Variants in BEAN1 observed in about 807,000 individuals in gnomAD.
BEAN1 encodes brain expressed associated with NEDD4 1.
Under a neutral mutation model 17.7 loss-of-function variants are expected in BEAN1, and 17 were observed. That is an observed-to-expected ratio of 0.96 (90% CI 0.66 to 1.44). The LOEUF is 1.44. BEAN1 is among the 40% of genes most tolerant of loss of function. The probability of loss-of-function intolerance (pLI) is 0.00; values close to 1 mark genes in which losing one functional copy is unlikely to be tolerated. For synonymous variants in BEAN1, 142 were observed against 151.8 expected, an observed-to-expected ratio of 0.94 and a Z score of 0.47; for missense variants, 359 against 374.1, an observed-to-expected ratio of 0.96 and a Z score of 0.33.
At chr16:66,491,965 C>A (rs1304612512) in intron 4 of BEAN1, among the ~76,000 whole-genome samples, 1 of 152,168 alleles carries the variant, frequency 6.6e-6, no homozygotes, top group Non-Finnish European at 1.5e-5. Flanking sequence ...AAAGATGAAC[C>A]AAGGTGCTCA....
chr16:66,470,836 G>A (rs762768455), intron 3 of BEAN1, among the ~76,000 whole-genome samples: 35 of 152,210 alleles, frequency 2.3e-4, no homozygotes, highest in Admixed American at 2.0e-3. Flanking sequence ...ATTCTCAGAC[G>A]ATTTTCAATG....
intron 4 of BEAN1, among the ~76,000 whole-genome samples, chr16:66,478,314 C>T (rs1296664053): frequency 6.6e-6 from 1 of 152,160 alleles, no homozygotes; most frequent in East Asian, 1.9e-4. Context: ...TGTAATAATA[C>T]CTGCCCCAGC....
At chr16:66,447,175 T>A (rs991026192) in intron 2 of BEAN1, among the ~76,000 whole-genome samples, 1 of 151,894 alleles carries the variant, frequency 6.6e-6, no homozygotes, top group African/African-American at 2.4e-5. Flanking sequence ...GAGGCTGAGG[T>A]AGGAGGATGA....
intron 2 of BEAN1, among the ~76,000 whole-genome samples, chr16:66,459,971 A>G (rs1341256178): frequency 6.6e-6 from 1 of 152,184 alleles, no homozygotes; most frequent in East Asian, 1.9e-4. Flanking sequence ...GGATGGGCCA[A>G]TGGGTGACTG....
chr16:66,480,927 G>T lies in BEAN1; in HGVS notation c.*2G>T, dbSNP rs1399938648. On this transcript the variant is annotated 3_prime_UTR_variant, in exon 5 of 5. Transcript: ENST00000536005. ...TCTGGCCCAGAGAGGATTGTGTGAG[G>T]GACCCAGCCAGCCGGGTCCTGCTGG... The T allele has an allele frequency of 1.4e-6, 2 of 1,442,802 alleles. No homozygotes were observed. The highest frequency in any genetic ancestry group is 1.5e-5 in the South Asian group (1 of 67,940). The allele number at this position is 1,442,802 out of a possible 1,614,324, so 89.4% of individuals were successfully genotyped here.
At chr16:66,445,475 C>A (rs1487523322) in intron 2 of BEAN1, among the ~76,000 whole-genome samples, 1 of 49,326 alleles carries the variant, frequency 2.0e-5, no homozygotes, top group South Asian at 9.3e-4. Flanking sequence ...GACTCCGTCT[C>A]AAAAAAAAAA....
intron 2 of BEAN1, 150 bp from the exon 3 acceptor site, chr16:66,469,452 C>T (rs1342522330): frequency 1.5e-5 from 15 of 977,632 alleles, no homozygotes; most frequent in Non-Finnish European, 2.1e-5. Context: ...CCTTCTCCCC[C>T]AGGAGCAGCC....
intron 2 of BEAN1, among the ~76,000 whole-genome samples, chr16:66,468,848 T>A (rs140426987): frequency 6.6e-6 from 1 of 152,070 alleles, no homozygotes; most frequent in Non-Finnish European, 1.5e-5. Flanking sequence ...GAGGACTAAG[T>A]CACCCGTCCC....
chr16:66,490,405 A>AACATAAAAT, intron 4 of BEAN1, among the ~76,000 whole-genome samples: 1 of 106,528 alleles, frequency 9.4e-6, no homozygotes, highest in Non-Finnish European at 1.8e-5. Flanking sequence ...TCAATAAAAT[A>AACATAAAAT]AAATAAAATA....
chr16:66,489,080 G>A (rs1294913903), intron 4 of BEAN1, among the ~76,000 whole-genome samples: 2 of 151,952 alleles, frequency 1.3e-5, no homozygotes, highest in Non-Finnish European at 2.9e-5. Flanking sequence ...TCTGAGACAG[G>A]AGAATCACTT....
Position 66,480,887 on chromosome 16 carries a change from A to C in BEAN1, c.742A>C (p.Thr248Pro). 4 of 1,460,190 alleles carry C rather than the reference A, an allele frequency of 2.7e-6. No homozygotes were observed. Among genetic ancestry groups the C allele is most frequent in the East Asian group, 2.5e-5 (1 of 39,540 alleles). 90.5% of individuals were successfully genotyped at this position (1,460,190 alleles called of 1,614,324 possible). A position where few individuals can be genotyped will look rare whatever the true frequency, so the allele number is the denominator to read the frequency against. The change falls in exon 5 of 5, where the codon ACC (threonine) becomes CCC (proline). Residue 248 changes from threonine (T) to proline (P), a missense_variant. Transcript: ENST00000536005. Reference sequence around the variant, plus strand: ...GGGCTCCCAGGGCTCACCCACCCCAACCCGGGCCCCAGCCTCTGGCCCAGA... The same window carrying C: ...GGGCTCCCAGGGCTCACCCACCCCACCCCGGGCCCCAGCCTCTGGCCCAGA... ...PRGSQGSPTP[T>P]RAPASGPERI...
chr16:66,439,828 C>A (rs890889483), intron 2 of BEAN1, among the ~76,000 whole-genome samples: 4 of 152,142 alleles, frequency 2.6e-5, no homozygotes, highest in South Asian at 2.1e-4. Context: ...TGACTTTGAC[C>A]CAGACATATC....
intron 2 of BEAN1, among the ~76,000 whole-genome samples, chr16:66,445,621 G>A (rs1305050914): frequency 6.6e-6 from 1 of 151,978 alleles, no homozygotes; most frequent in Non-Finnish European, 1.5e-5. Context: ...TAGATGAAGA[G>A]GGTCCAGGCA....
intron 1 of BEAN1, among the ~76,000 whole-genome samples, chr16:66,429,171 A>G (rs563344204): frequency 1.4e-4 from 22 of 152,202 alleles, no homozygotes; most frequent in Admixed American, 5.2e-4. Flanking sequence ...CGGTTCAGAC[A>G]GGCAGCAAGA....
At chr16:66,464,192 T>C (rs920054541) in intron 2 of BEAN1, among the ~76,000 whole-genome samples, 1 of 152,208 alleles carries the variant, frequency 6.6e-6, no homozygotes, top group African/African-American at 2.4e-5. Context: ...TTGATCAGCA[T>C]TGTGTTGAAT....
chr16:66,472,512 T>C (rs997130662), intron 3 of BEAN1, among the ~76,000 whole-genome samples: 1 of 152,220 alleles, frequency 6.6e-6, no homozygotes, highest in Admixed American at 6.5e-5. Context: ...AAGACCAGCC[T>C]GGCCAACATG....
At chr16:66,461,537 G>A (rs1053796963) in intron 2 of BEAN1, among the ~76,000 whole-genome samples, 3 of 150,064 alleles carry the variant, frequency 2.0e-5, no homozygotes, top group Admixed American at 6.7e-5. Context: ...CCAGAGGCAG[G>A]TTCTGCGTGC....
At position 66,453,522 on chromosome 16, in the gene BEAN1, C is replaced by T. The variant is rs571746106; in HGVS notation, c.25+15821C>T. Among the ~76,000 whole-genome samples, 7 of 152,090 alleles carry T rather than the reference C, an allele frequency of 4.6e-5. No individual in the cohort carries two copies. In the East Asian group the frequency reaches 1.4e-3, roughly 30 times the overall value. ...TATAGGCATGCACCACCATACCCGG[C>T]TAACTTTTTATTATTTTTTTGTATA... On this transcript the variant is annotated intron_variant, in intron 2 of 4. Coordinates refer to ENST00000536005, the MANE Select transcript of BEAN1 (RefSeq NM_001178020.3).
At chr16:66,482,895 C>T (rs756995450), downstream of BEAN1, 11 of 455,990 alleles carry the variant, frequency 2.4e-5, no homozygotes, top group Non-Finnish European at 4.0e-5. Flanking sequence ...CTCACTCAGT[C>T]GCCTACGCTG....
Sources: allele counts gnomAD v4.1 joint callset (sites outside exome capture counted in the v4.1 genomes callset), GRCh38; gene constraint gnomAD v4.1.1; transcripts MANE v1.5; gene names NCBI Gene and HGNC (gene_info 2026-07-23, HGNC 2026-07-21).